WDR72: variants seen among roughly 807,000 people sequenced by gnomAD.
WDR72 encodes the protein WD repeat-containing protein 72.
In WDR72, 120 loss-of-function variants were observed where a neutral mutation model predicts 124.2. That is an observed-to-expected ratio of 0.97 (90% CI 0.83 to 1.12). The LOEUF (loss-of-function observed/expected upper bound fraction) is 1.12. WDR72 is among the 50% of genes most tolerant of loss of function. The pLI is 0.00. For missense variants in WDR72, 1,387 were observed against 1,278.8 expected, an observed-to-expected ratio of 1.08 and a Z score of -1.29; for synonymous variants, 452 against 441.7, an observed-to-expected ratio of 1.02 and a Z score of -0.29.
At chr15:53,733,979 A>G (rs1039244454) in intron 1 of WDR72, among the ~76,000 whole-genome samples, 8 of 152,166 alleles carry the variant, frequency 5.3e-5, no homozygotes, top group African/African-American at 1.7e-4. Context: ...AAAATGTCCG[A>G]AAGAGAGGAG....
rs1267342722 is a variant in WDR72, at chr15:53,514,922, T to G, written c.*2777A>C. Reference sequence around the variant, plus strand: ...TTTCCAGGTACTTTTTCCTGCAATATACAATGGAGCCAATGTGAAACTCAA... The same window carrying G: ...TTTCCAGGTACTTTTTCCTGCAATAGACAATGGAGCCAATGTGAAACTCAA... On this transcript the variant is annotated 3_prime_UTR_variant, in exon 20 of 20. Transcript: ENST00000360509. The G allele has an allele frequency of 6.6e-6, 1 of 150,608 alleles. No homozygotes were observed. 9.3% of individuals were successfully genotyped at this position (150,608 alleles called of 1,614,324 possible). A position where few individuals can be genotyped will look rare whatever the true frequency, so the allele number is the denominator to read the frequency against.
intron 13 of WDR72, among the ~76,000 whole-genome samples, chr15:53,698,741 AC>A (rs2017080523): frequency 6.6e-6 from 1 of 152,200 alleles, no homozygotes; most frequent in Admixed American, 6.5e-5. Context: ...AAACTGGTTC[AC>A]CACTTATTAG....
chr15:53,556,563 T>C lies in WDR72; in HGVS notation c.3149-33241A>G, dbSNP rs904863411. Among the ~76,000 whole-genome samples, 14 of 152,104 alleles carry C rather than the reference T, an allele frequency of 9.2e-5. 1 individual carries two copies. The highest frequency in any genetic ancestry group is 3.4e-4 in the African/African-American group (14 of 41,446). On this transcript the variant is annotated intron_variant, in intron 18 of 19. Transcript: ENST00000360509. Reference sequence around the variant, plus strand: ...CCATGTGAAGAAGGCTGACTTGGCATTGAGCTGGCAATTATCTGGTGAACC... The same window carrying C: ...CCATGTGAAGAAGGCTGACTTGGCACTGAGCTGGCAATTATCTGGTGAACC...
intron 13 of WDR72, among the ~76,000 whole-genome samples, chr15:53,693,553 C>G (rs2016909610): frequency 6.6e-6 from 1 of 151,988 alleles, no homozygotes. Flanking sequence ...CTTTTTTCTT[C>G]TAAAAACTTT....
chr15:53,702,328 C>T lies in WDR72; in HGVS notation c.1375G>A (p.Gly459Ser). 1 of 1,613,672 alleles carries T rather than the reference C, an allele frequency of 6.2e-7. No individual in the cohort carries two copies. The highest frequency in any genetic ancestry group is 8.5e-7 in the Non-Finnish European group (1 of 1,179,690). Reference protein sequence around the residue: ...KDSPPHKVLKGHHQSVTSLLY... With the variant: ...KDSPPHKVLKSHHQSVTSLLY... ...AATGAAGTGACACTTTGGTGGTGGC[C>T]TTTAAGAACTTTATGAGGGGGAGAA... Residue 459 changes from glycine to serine, a missense_variant, in exon 12 of 20, where the codon GGC (glycine) becomes AGC (serine). Transcript: ENST00000360509.
intron 13 of WDR72, among the ~76,000 whole-genome samples, chr15:53,691,616 CAGACAGATAGAT>C (rs74365334): frequency 0.086 from 5,591 of 65,180 alleles, 122 homozygotes; most frequent in Non-Finnish European, 0.12. Context: ...GACAGACAGA[CAGACAGATAGAT>C]AGATAGATAG....
intron 18 of WDR72, among the ~76,000 whole-genome samples, chr15:53,535,525 TTAGA>T (rs1437211794): frequency 1.3e-5 from 2 of 152,154 alleles, no homozygotes; most frequent in Admixed American, 6.5e-5. Context: ...CCTAAAGGTC[TTAGA>T]TAGGAGGGTC....
intron 19 of WDR72, among the ~76,000 whole-genome samples, chr15:53,518,227 T>G (rs947649884): frequency 6.6e-6 from 1 of 152,110 alleles, no homozygotes; most frequent in African/African-American, 2.4e-5. Context: ...TTTCTCAGAT[T>G]ACTTGGATGA....
At chr15:53,582,601 C>A (rs1271316148) in intron 18 of WDR72, among the ~76,000 whole-genome samples, 2 of 151,770 alleles carry the variant, frequency 1.3e-5, no homozygotes, top group African/African-American at 2.4e-5. Context: ...AAAAAAGAAT[C>A]AAAAACCCAC....
rs1333076261 is a variant in WDR72 at position 53,615,681 on chromosome 15, A to ATT, written c.2524_2525insAA (p.Met842LysfsTer13). 2 of 1,611,794 alleles carry ATT rather than the reference A, an allele frequency of 1.2e-6. No homozygotes were observed. Among genetic ancestry groups the ATT allele is most frequent in the East Asian group, 2.2e-5 (1 of 44,838 alleles). On this transcript the variant is annotated frameshift_variant, in exon 15 of 20. Transcript: ENST00000360509. LOFTEE classifies it high-confidence loss of function. ...ATTGCATAAATCCCAACCTGGCAAC[A>ATT]TCAGTGAGAAATTATCTTCATTCAA...
chr15:53,657,947 T>C (rs2015485097), intron 14 of WDR72, among the ~76,000 whole-genome samples: 1 of 152,202 alleles, frequency 6.6e-6, no homozygotes, highest in African/African-American at 2.4e-5. Flanking sequence ...AGTTGATTAG[T>C]AATAGGAAGA....
intron 18 of WDR72, among the ~76,000 whole-genome samples, chr15:53,596,828 T>C (rs2012798383): frequency 6.6e-6 from 1 of 152,152 alleles, no homozygotes; most frequent in Non-Finnish European, 1.5e-5. Flanking sequence ...ACATTTTCAA[T>C]ACTCTCTAAG....
chr15:53,746,726 G>A (rs1264649626), intron 1 of WDR72, among the ~76,000 whole-genome samples: 1 of 152,130 alleles, frequency 6.6e-6, no homozygotes, highest in Non-Finnish European at 1.5e-5. Flanking sequence ...CTTTATCCCA[G>A]GAGGGAGTTT....
chr15:53,599,218 C>T (rs942815014), intron 17 of WDR72, among the ~76,000 whole-genome samples: 5 of 151,990 alleles, frequency 3.3e-5, no homozygotes, highest in Non-Finnish European at 7.4e-5. Flanking sequence ...GTAAACCATG[C>T]TGATTTATGT....
chr15:53,700,029 TA>T (rs1203602527), intron 12 of WDR72, 84 bp from the exon 13 acceptor site: 1 of 1,546,174 alleles, frequency 6.5e-7, no homozygotes, highest in South Asian at 1.1e-5. Flanking sequence ...CCCAGTAACA[TA>T]AAAAAGTTTT....
intron 18 of WDR72, among the ~76,000 whole-genome samples, chr15:53,572,787 T>A (rs998449052): frequency 6.6e-6 from 1 of 152,226 alleles, no homozygotes; most frequent in Non-Finnish European, 1.5e-5. Flanking sequence ...CAATACATGT[T>A]GTGCTCCAGT....
At chr15:53,674,491 T>C (rs1384513722) in intron 13 of WDR72, among the ~76,000 whole-genome samples, 1 of 152,188 alleles carries the variant, frequency 6.6e-6, no homozygotes, top group African/African-American at 2.4e-5. Context: ...AATGTATAAC[T>C]GATGGGGGTT....
At chr15:53,700,084 C>T (rs1467874661) in intron 12 of WDR72, 139 bp from the exon 13 acceptor site, 1 of 950,384 alleles carries the variant, frequency 1.1e-6, no homozygotes, top group African/African-American at 1.6e-5. Context: ...CTTTCTACAG[C>T]ACCTTTCATG....
At chr15:53,622,441 C>A (rs892312848) in intron 14 of WDR72, among the ~76,000 whole-genome samples, 2 of 151,298 alleles carry the variant, frequency 1.3e-5, no homozygotes, top group Non-Finnish European at 3.0e-5. Context: ...GAATACTACA[C>A]AGCCATAAAA....
Sources: gnomAD v4.1 joint callset for allele counts (sites outside exome capture counted in the v4.1 genomes callset) on GRCh38, gnomAD v4.1.1 for gene constraint, MANE v1.5 for transcripts, NCBI Gene and HGNC (gene_info 2026-07-23, HGNC 2026-07-21) for gene names.